The following PHACTR2 variants were observed in gnomAD, a reference collection of about 807,000 sequenced individuals.
PHACTR2 encodes the protein chromosome 6 open reading frame 56.
In PHACTR2, 30 loss-of-function variants were observed where a neutral mutation model predicts 76.0. The observed-to-expected ratio is 0.39, with a 90% CI of 0.30 to 0.54. The LOEUF is 0.54. Among genes scored for constraint, PHACTR2 ranks in the 20% least tolerant of loss-of-function variants. The pLI is 0.61. For missense variants in PHACTR2, 696 were observed against 781.1 expected (o/e 0.89, Z 1.30); for synonymous variants, 292 against 292.5 (o/e 1.00, Z 0.02).
At chr6:143,690,410 T>C (rs966941406) in intron 1 of PHACTR2, among the ~76,000 whole-genome samples, 1 of 151,342 alleles carries the variant, frequency 6.6e-6, no homozygotes, top group African/African-American at 2.4e-5. Context: ...CCATGCCCCC[T>C]TTTTTTTTCT....
chr6:143,789,103 A>G lies in PHACTR2; in HGVS notation c.1845+193A>G, dbSNP rs117675730. The G allele has an allele frequency of 4.2e-3, 1,938 of 464,938 alleles. 16 individuals are homozygous for G. Among genetic ancestry groups the G allele is most frequent in the Non-Finnish European group, 4.4e-3 (1,132 of 259,604 alleles). 28.8% of individuals were successfully genotyped at this position (464,938 alleles called of 1,614,324 possible). A position where few individuals can be genotyped will look rare whatever the true frequency, so the allele number is the denominator to read the frequency against. ...AATGTAGTTCTTTCAACTAAGTCTC[A>G]GAGAAAAGTAGTTATTTACCATATA... On this transcript the variant is annotated intron_variant, in intron 11 of 12. Transcript: ENST00000440869. This position sits in a 1 kb window ranked among gnomAD's most constrained non-coding sequence, Gnocchi z 5.1.
chr6:143,792,079 A>T (rs961008833), intron 11 of PHACTR2, among the ~76,000 whole-genome samples: 1 of 152,062 alleles, frequency 6.6e-6, no homozygotes, highest in Non-Finnish European at 1.5e-5. Flanking sequence ...TATTTATTAG[A>T]CCTGAGTGGG....
intron 6 of PHACTR2, among the ~76,000 whole-genome samples, chr6:143,771,220 A>ATG (rs1562300959): frequency 3.5e-4 from 36 of 101,504 alleles, no homozygotes; most frequent in African/African-American, 1.4e-3. Flanking sequence ...ATATATATAT[A>ATG]TATATATATA....
Position 143,820,579 on chromosome 6 carries a change from G to A in PHACTR2, c.1923-3095G>A, listed in dbSNP as rs191992263. Among the ~76,000 whole-genome samples the A allele has an allele frequency of 3.0e-4, 46 of 152,306 alleles. No individual in the cohort carries two copies. The East Asian group carries it at 8.3e-3, about 28-fold the overall frequency. ...ATGTCCTGGGTACTCTGGTGTAAGT[G>A]GGCAGCTCTACCCCTGTGGATTTGC... is the stretch of plus-strand genomic sequence containing the variant. On this transcript the variant is annotated intron_variant, in intron 12 of 12. Coordinates refer to ENST00000440869, the MANE Select transcript of PHACTR2 (RefSeq NM_001100164.2). The surrounding 1 kb of genome is among the most constrained non-coding windows in gnomAD (Gnocchi z 4.2).
At position 143,583,835 on chromosome 6, in the gene PHACTR2, C is replaced by A. The variant is rs1775598579; in HGVS notation, c.217+46628C>A. Among the ~76,000 whole-genome samples the A allele has an allele frequency of 6.6e-6, 1 of 152,182 alleles. No homozygotes were observed. The highest frequency in any genetic ancestry group is 1.5e-5 in the Non-Finnish European group (1 of 68,040). ...GCCAGGCATCATACCCAGAGAGGGA[C>A]CTAGCATAACCAGAATTCATTCAAA... On this transcript the variant is annotated intron_variant, in intron 1 of 11. Coordinates refer to the PHACTR2 transcript ENST00000367584. This position sits in a 1 kb window ranked among gnomAD's most constrained non-coding sequence, Gnocchi z 4.0.
chr6:143,743,232 G>A lies in PHACTR2; in HGVS notation c.215-5753G>A, dbSNP rs1201697934. On this transcript the variant is annotated intron_variant, in intron 2 of 12. Coordinates refer to ENST00000440869, the MANE Select transcript of PHACTR2 (RefSeq NM_001100164.2). This position sits in a 1 kb window ranked among gnomAD's most constrained non-coding sequence, Gnocchi z 5.0. ...AGAAGGAACAATACATGAAGGAATG[G>A]AGCTGAAGAACCGCAGATGTTTAGG... Among the ~76,000 whole-genome samples, 1 of 152,188 alleles carries A rather than the reference G, an allele frequency of 6.6e-6. No homozygotes were observed. The highest frequency in any genetic ancestry group is 2.4e-5 in the African/African-American group (1 of 41,436).
intron 1 of PHACTR2, among the ~76,000 whole-genome samples, chr6:143,649,555 T>C (rs1216501038): frequency 6.6e-6 from 1 of 152,174 alleles, no homozygotes; most frequent in Non-Finnish European, 1.5e-5. Context: ...AATCAATAAA[T>C]GTGATTCATC....
At chr6:143,576,616 C>A (rs1481681186) in intron 1 of PHACTR2, among the ~76,000 whole-genome samples, 1 of 152,082 alleles carries the variant, frequency 6.6e-6, no homozygotes, top group Non-Finnish European at 1.5e-5. Flanking sequence ...GTGGCTCAGG[C>A]CTGTAATCCT....
At chr6:143,748,771 T>TGGC (rs1295847623) in intron 2 of PHACTR2, among the ~76,000 whole-genome samples, 1 of 152,240 alleles carries the variant, frequency 6.6e-6, no homozygotes, top group African/African-American at 2.4e-5. Context: ...AGACCAGGGA[T>TGGC]GGCGGTTGGA....
Position 143,780,878 on chromosome 6 carries a change from A to G in PHACTR2, c.1646-2341A>G, listed in dbSNP as rs554795616. ...CATCCTACTTTATAATTAGTCCTCT[A>G]GTGAATCAAAAAATGAAGGAAGCAT... On this transcript the variant is annotated intron_variant, in intron 9 of 12. Transcript: ENST00000440869. This position sits in a 1 kb window ranked among gnomAD's most constrained non-coding sequence, Gnocchi z 4.4. Among the ~76,000 whole-genome samples the G allele has an allele frequency of 3.3e-5, 5 of 152,372 alleles. No individual in the cohort carries two copies. Among genetic ancestry groups the G allele is most frequent in the Non-Finnish European group, 7.3e-5 (5 of 68,034 alleles).
chr6:143,636,248 T>C (rs529784815), intron 1 of PHACTR2, among the ~76,000 whole-genome samples: 2 of 152,158 alleles, frequency 1.3e-5, no homozygotes, highest in African/African-American at 4.8e-5. Context: ...TGCTTTCCTC[T>C]GCTGCCTTTA....
chr6:143,806,787 C>T lies in PHACTR2; in HGVS notation c.1846-270C>T, dbSNP rs558272020. Among the ~76,000 whole-genome samples, 20 of 152,036 alleles carry T rather than the reference C, an allele frequency of 1.3e-4. No homozygotes were observed. Among genetic ancestry groups the T allele is most frequent in the African/African-American group, 4.8e-4 (20 of 41,400 alleles). On this transcript the variant is annotated intron_variant, in intron 11 of 12. Transcript: ENST00000440869. This position sits in a 1 kb window ranked among gnomAD's most constrained non-coding sequence, Gnocchi z 5.8. ...TGGGCAACATCTTGAGACTGTGTCT[C>T]TACCAAAAAAAATTTAAAAATTAGC...
intron 5 of PHACTR2, among the ~76,000 whole-genome samples, chr6:143,762,516 A>G (rs1295685711): frequency 2.0e-5 from 3 of 152,230 alleles, no homozygotes; most frequent in Non-Finnish European, 4.4e-5. Flanking sequence ...CAAGCCCATC[A>G]TGTAAGAATC....
intron 1 of PHACTR2, among the ~76,000 whole-genome samples, chr6:143,691,891 T>C (rs1445461297): frequency 6.6e-6 from 1 of 152,214 alleles, no homozygotes; most frequent in Non-Finnish European, 1.5e-5. Flanking sequence ...GAAGCAATCA[T>C]TTATTTAAGA....
chr6:143,792,904 A>G (rs897120168), intron 11 of PHACTR2, among the ~76,000 whole-genome samples: 1 of 152,202 alleles, frequency 6.6e-6, no homozygotes, highest in Non-Finnish European at 1.5e-5. Context: ...ACTACGTTCT[A>G]TTAGTAACAG....
At chr6:143,693,182 G>A (rs569969144) in intron 1 of PHACTR2, among the ~76,000 whole-genome samples, 28 of 152,188 alleles carry the variant, frequency 1.8e-4, no homozygotes, top group South Asian at 6.2e-4. Flanking sequence ...AGACTTTAAC[G>A]TATGAATTTT....
Position 143,767,579 on chromosome 6 carries a change from T to G in PHACTR2, c.1232+1781T>G, listed in dbSNP as rs528775686. Among the ~76,000 whole-genome samples, 1 of 152,280 alleles carries G rather than the reference T, an allele frequency of 6.6e-6. No homozygotes were observed. Among genetic ancestry groups the G allele is most frequent in the East Asian group, 1.9e-4 (1 of 5,184 alleles). Reference sequence around the variant, plus strand: ...GTACCTGAGACTGGGTAATTTATAATGATTAGAATATTGGCTTACAGTCCT... The same window carrying G: ...GTACCTGAGACTGGGTAATTTATAAGGATTAGAATATTGGCTTACAGTCCT... On this transcript the variant is annotated intron_variant, in intron 6 of 12. Transcript: ENST00000440869. The surrounding 1 kb of genome is among the most constrained non-coding windows in gnomAD (Gnocchi z 4.4).
rs1010755314 is a variant in PHACTR2 at position 143,780,345 on chromosome 6, C to T, written c.1646-2874C>T. ...ACCCATATGAGGCCAGGTAAGGTGG[C>T]TTATGCCTGTAATCCCAAAGCCTTG... On this transcript the variant is annotated intron_variant, in intron 9 of 12. Coordinates refer to ENST00000440869, the MANE Select transcript of PHACTR2 (RefSeq NM_001100164.2). This position sits in a 1 kb window ranked among gnomAD's most constrained non-coding sequence, Gnocchi z 4.4. Among the ~76,000 whole-genome samples, 1 of 151,994 alleles carries T rather than the reference C, an allele frequency of 6.6e-6. No homozygotes were observed. The highest frequency in any genetic ancestry group is 2.4e-5 in the African/African-American group (1 of 41,352).
Position 143,597,484 on chromosome 6 carries a change from A to G in PHACTR2, c.217+60277A>G, listed in dbSNP as rs1340864870. ...CTACTCTCTACAACCCACATGCCAA[A>G]TGTGAGCAAACATGTTTGGAATAAG... On this transcript the variant is annotated intron_variant, in intron 1 of 11. Coordinates refer to the PHACTR2 transcript ENST00000367584. The surrounding 1 kb of genome is among the most constrained non-coding windows in gnomAD (Gnocchi z 5.7). Among the ~76,000 whole-genome samples the G allele has an allele frequency of 6.6e-6, 1 of 152,228 alleles. No individual in the cohort carries two copies. Among genetic ancestry groups the G allele is most frequent in the African/African-American group, 2.4e-5 (1 of 41,458 alleles).
Sources: allele counts gnomAD v4.1 joint callset (sites outside exome capture counted in the v4.1 genomes callset), GRCh38; gene constraint gnomAD v4.1.1; non-coding constraint Gnocchi (gnomAD v3.1); transcripts MANE v1.5; gene names NCBI Gene and HGNC (gene_info 2026-07-23, HGNC 2026-07-21).